Variants in PPHLN1 observed in about 807,000 individuals in gnomAD.
PPHLN1 encodes periphilin 1.
Under a neutral mutation model 51.3 loss-of-function variants are expected in PPHLN1, and 29 were observed. That is an observed-to-expected ratio of 0.57 (90% CI 0.42 to 0.77). The LOEUF (loss-of-function observed/expected upper bound fraction) is 0.77. Ranked by LOEUF, PPHLN1 falls within the 30% of genes least tolerant of loss-of-function variation. The pLI is 0.00. For missense variants in PPHLN1, 436 were observed against 438.4 expected (o/e 0.99, Z 0.05); for synonymous variants, 147 against 147.8 (o/e 0.99, Z 0.04).
intron 4 of PPHLN1, among the ~76,000 whole-genome samples, chr12:42,364,195 G>C (rs1439431434): frequency 1.3e-5 from 2 of 152,176 alleles, no homozygotes; most frequent in East Asian, 3.8e-4. Context: ...CTGTACTCCA[G>C]CTTGGGCAAC....
At chr12:42,423,718 C>T (rs1003316154) in intron 9 of PPHLN1, among the ~76,000 whole-genome samples, 1 of 151,658 alleles carries the variant, frequency 6.6e-6, no homozygotes, top group Admixed American at 6.6e-5. Flanking sequence ...CACTCTGTTG[C>T]CCAGGTTGGA....
At chr12:42,430,627 G>A (rs1252484330) in intron 9 of PPHLN1, among the ~76,000 whole-genome samples, 1 of 151,856 alleles carries the variant, frequency 6.6e-6, no homozygotes, top group Non-Finnish European at 1.5e-5. Flanking sequence ...CCAAATAGCT[G>A]GGATTACAGG....
At chr12:42,358,810 C>T (rs2074318792) in intron 4 of PPHLN1, among the ~76,000 whole-genome samples, 2 of 151,996 alleles carry the variant, frequency 1.3e-5, no homozygotes, top group South Asian at 4.1e-4. Flanking sequence ...GCAGTAAATT[C>T]TAGTACATAA....
chr12:42,333,791 T>C (rs187959185), intron 1 of PPHLN1, among the ~76,000 whole-genome samples: 8 of 152,322 alleles, frequency 5.3e-5, no homozygotes, highest in African/African-American at 1.9e-4. Flanking sequence ...CAACCTCCTT[T>C]ACTAACCTAT....
chr12:42,432,621 C>T (rs1442661520), intron 9 of PPHLN1, among the ~76,000 whole-genome samples: 1 of 152,184 alleles, frequency 6.6e-6, no homozygotes, highest in South Asian at 2.1e-4. Context: ...GCCTTTTTTA[C>T]AGCACCAGCA....
At chr12:42,365,459 A>G (rs2075164926) in intron 4 of PPHLN1, among the ~76,000 whole-genome samples, 1 of 152,110 alleles carries the variant, frequency 6.6e-6, no homozygotes, top group African/African-American at 2.4e-5. Flanking sequence ...AATTTTACTC[A>G]TAACCGGTGA....
chr12:42,412,014 G>GGAGGAATTTC (rs2079899440), intron 9 of PPHLN1, among the ~76,000 whole-genome samples: 1 of 151,544 alleles, frequency 6.6e-6, no homozygotes, highest in Non-Finnish European at 1.5e-5. Flanking sequence ...AGACTACCCT[G>GGAGGAATTTC]GCCAATATGG....
intron 9 of PPHLN1, among the ~76,000 whole-genome samples, chr12:42,434,593 G>A (rs2139909559): frequency 6.6e-6 from 1 of 152,322 alleles, no homozygotes; most frequent in South Asian, 2.1e-4. Flanking sequence ...GTTGGTGTCT[G>A]CTGGGGAACT....
intron 1 of PPHLN1, among the ~76,000 whole-genome samples, 187 bp from the exon 2 acceptor site, chr12:42,335,696 T>TTG (rs1376429314): frequency 6.6e-6 from 1 of 151,464 alleles, no homozygotes; most frequent in Non-Finnish European, 1.5e-5. Flanking sequence ...TGTTTTTTTT[T>TTG]TTTTTTTTTT....
chr12:42,418,341 C>G (rs2080657245), intron 9 of PPHLN1, among the ~76,000 whole-genome samples: 1 of 150,638 alleles, frequency 6.6e-6, no homozygotes, highest in Non-Finnish European at 1.5e-5. Flanking sequence ...TTTTGAAACT[C>G]AGCCTCCGTA....
intron 9 of PPHLN1, among the ~76,000 whole-genome samples, chr12:42,417,490 A>T (rs889230135): frequency 2.0e-5 from 3 of 151,886 alleles, no homozygotes; most frequent in Non-Finnish European, 4.4e-5. Flanking sequence ...AATACCCCAT[A>T]TGTTACATGT....
At chr12:42,341,214 C>T (rs1354147143) in intron 2 of PPHLN1, among the ~76,000 whole-genome samples, 1 of 152,064 alleles carries the variant, frequency 6.6e-6, no homozygotes, top group Non-Finnish European at 1.5e-5. Flanking sequence ...AACTCCTGAC[C>T]TCAGGTGATC....
intron 4 of PPHLN1, among the ~76,000 whole-genome samples, chr12:42,361,047 A>G (rs2074619891): frequency 6.6e-6 from 1 of 152,204 alleles, no homozygotes. Flanking sequence ...TGGACATAGT[A>G]TTTATGTCCC....
intron 8 of PPHLN1, among the ~76,000 whole-genome samples, chr12:42,397,859 G>A (rs2078404570): frequency 6.6e-6 from 1 of 152,050 alleles, no homozygotes; most frequent in Non-Finnish European, 1.5e-5. Flanking sequence ...CTCTTGCTGG[G>A]ATTACAGGCA....
intron 8 of PPHLN1, among the ~76,000 whole-genome samples, chr12:42,395,506 T>A (rs1240441718): frequency 6.6e-6 from 1 of 152,206 alleles, no homozygotes; most frequent in Admixed American, 6.5e-5. Context: ...ATTAATACTT[T>A]AGCTTATTAA....
At chr12:42,393,276 A>G (rs1328584252) in intron 7 of PPHLN1, among the ~76,000 whole-genome samples, 3 of 152,174 alleles carry the variant, frequency 2.0e-5, no homozygotes, top group Non-Finnish European at 4.4e-5. Flanking sequence ...TATTCTAAAT[A>G]TAATTATTAT....
chr12:42,365,855 G>C (rs1221779572), intron 4 of PPHLN1, among the ~76,000 whole-genome samples: 3 of 152,112 alleles, frequency 2.0e-5, no homozygotes, highest in Non-Finnish European at 4.4e-5. Flanking sequence ...TGGTTGTATT[G>C]TTATTTATAT....
At chr12:42,348,322 G>T (rs936668556) in intron 2 of PPHLN1, among the ~76,000 whole-genome samples, 3 of 133,580 alleles carry the variant, frequency 2.2e-5, no homozygotes, top group South Asian at 4.6e-4. Context: ...GGGTTTCACC[G>T]TGTTGGCCAG....
At chr12:42,428,816 A>ACTT (rs774943286) in intron 9 of PPHLN1, among the ~76,000 whole-genome samples, 2 of 136,460 alleles carry the variant, frequency 1.5e-5, no homozygotes, top group African/African-American at 2.9e-5. Flanking sequence ...TGCCTTTTTA[A>ACTT]CTTCTTTTTT....
Sources: allele counts gnomAD v4.1 joint callset (sites outside exome capture counted in the v4.1 genomes callset), GRCh38; gene constraint gnomAD v4.1.1; transcripts MANE v1.5; gene names NCBI Gene and HGNC (gene_info 2026-07-23, HGNC 2026-07-21).